Variants in TWIST2 observed in about 807,000 individuals in gnomAD.
The protein encoded by TWIST2 is twist family bHLH transcription factor 2, also known as twist-related protein 2.
TWIST2 carries 1 observed loss-of-function variant against 11.6 expected under a neutral mutation model. The observed-to-expected ratio is 0.09, with a 90% CI of 0.03 to 0.41. The LOEUF (loss-of-function observed/expected upper bound fraction) is 0.41, where lower values mean the gene tolerates loss of function less well. Among genes scored for constraint, TWIST2 ranks in the 10% least tolerant of loss-of-function variants. The pLI is 0.98. For missense variants in TWIST2, 168 were observed against 226.4 expected, an observed-to-expected ratio of 0.74 and a Z score of 1.66; for synonymous variants, 87 against 96.6, an observed-to-expected ratio of 0.90 and a Z score of 0.58.
intron 1 of TWIST2, among the ~76,000 whole-genome samples, chr2:238,899,752 CTAA>C (rs1693247887): frequency 6.6e-6 from 1 of 152,196 alleles, no homozygotes. Context: ...ACTTGATTTG[CTAA>C]TGTCTTAGGA....
At chr2:238,881,386 A>AGT (rs369393593) in intron 1 of TWIST2, among the ~76,000 whole-genome samples, 1 of 151,156 alleles carries the variant, frequency 6.6e-6, no homozygotes, top group East Asian at 2.0e-4. Flanking sequence ...TATTAGTATT[A>AGT]GTTACTATTT....
intron 1 of TWIST2, among the ~76,000 whole-genome samples, chr2:238,876,245 G>C (rs369664751): frequency 2.0e-5 from 3 of 152,200 alleles, no homozygotes; most frequent in African/African-American, 7.2e-5. Flanking sequence ...GAGGGCACTA[G>C]GGGACTCTCA....
At chr2:238,857,821 C>T (rs556337778) in intron 1 of TWIST2, among the ~76,000 whole-genome samples, 1 of 152,160 alleles carries the variant, frequency 6.6e-6, no homozygotes, top group South Asian at 2.1e-4. Context: ...GCTGTAATCC[C>T]AGCTACTCAA....
At chr2:238,905,660 A>G (rs1477461002) in intron 1 of TWIST2, among the ~76,000 whole-genome samples, 2 of 152,152 alleles carry the variant, frequency 1.3e-5, no homozygotes, top group Non-Finnish European at 2.9e-5. Flanking sequence ...TCATATATCA[A>G]AAGCTGTGGT....
chr2:238,905,910 TGTGCGTGCAG>T (rs1383794759), intron 1 of TWIST2, among the ~76,000 whole-genome samples: 1 of 51,774 alleles, frequency 1.9e-5, no homozygotes, highest in African/African-American at 9.8e-5. Context: ...TGTGCGTGTG[TGTGCGTGCAG>T]GTGTGCGTGT....
At position 238,874,414 on chromosome 2, in the gene TWIST2, C is replaced by T. The variant is rs1018990887; in HGVS notation, c.*35+25681C>T. Among the ~76,000 whole-genome samples, 3 of 152,124 alleles carry T rather than the reference C, an allele frequency of 2.0e-5. No individual in the cohort carries two copies. In the South Asian group the frequency reaches 6.2e-4, roughly 32 times the overall value. ...AAATGTCCAATTTAGTTACTTAAGG[C>T]TCTTCTTTTGCAAAAGAATAGAAAG... On this transcript the variant is annotated intron_variant, in intron 1 of 1. Transcript: ENST00000612363.
chr2:238,898,657 G>A (rs1434364154), intron 1 of TWIST2, among the ~76,000 whole-genome samples: 1 of 152,244 alleles, frequency 6.6e-6, no homozygotes, highest in African/African-American at 2.4e-5. Context: ...TCTCCCCTGA[G>A]GTGGGGGTGA....
At chr2:238,900,344 C>T (rs925201166) in intron 1 of TWIST2, among the ~76,000 whole-genome samples, 21 of 152,292 alleles carry the variant, frequency 1.4e-4, no homozygotes, top group African/African-American at 4.1e-4. Context: ...CAGATGTGCC[C>T]GGTGTGGCCA....
chr2:238,897,907 G>A (rs1212420533), intron 1 of TWIST2, among the ~76,000 whole-genome samples: 1 of 152,234 alleles, frequency 6.6e-6, no homozygotes, highest in African/African-American at 2.4e-5. Flanking sequence ...GGACTCTCCC[G>A]AGAGTCTCCA....
rs1240193035 is a variant in TWIST2 at position 238,907,879 on chromosome 2, C to T, written c.*36-1963C>T. 2.9e-5 allele frequency among the ~76,000 whole-genome samples: 3 copies of T among 103,998 alleles called. No homozygotes were observed. In the East Asian group the frequency reaches 9.3e-4, roughly 32 times the overall value. The allele number at this position is 103,998 out of a possible 152,430, so 68.2% of individuals were successfully genotyped here. On this transcript the variant is annotated intron_variant, in intron 1 of 1. Transcript: ENST00000612363. Reference sequence around the variant, plus strand: ...TACATACACACCACATACACACACACCACACAAACACACTACACCCCCACT... The same window carrying T: ...TACATACACACCACATACACACACATCACACAAACACACTACACCCCCACT...
At chr2:238,880,775 G>C (rs1174053848) in intron 1 of TWIST2, among the ~76,000 whole-genome samples, 1 of 118,918 alleles carries the variant, frequency 8.4e-6, no homozygotes, top group African/African-American at 3.4e-5. Flanking sequence ...ATTAGTGTCA[G>C]TGTTAGTATT....
chr2:238,889,457 T>C (rs544919226), intron 1 of TWIST2, among the ~76,000 whole-genome samples: 1 of 152,302 alleles, frequency 6.6e-6, no homozygotes, highest in South Asian at 2.1e-4. Flanking sequence ...ATACCAGATA[T>C]ATAAATATCA....
At chr2:238,857,270 G>C (rs935410961) in intron 1 of TWIST2, among the ~76,000 whole-genome samples, 1 of 152,182 alleles carries the variant, frequency 6.6e-6, no homozygotes, top group Non-Finnish European at 1.5e-5. Context: ...TGGTCCCTGA[G>C]GCTGGACGGG....
chr2:238,881,542 TATTTATTAGTATTAGCGTTAGA>T (rs1473750430), intron 1 of TWIST2, among the ~76,000 whole-genome samples: 1 of 152,076 alleles, frequency 6.6e-6, no homozygotes, highest in Non-Finnish European at 1.5e-5. Flanking sequence ...TTGGTGTTAG[TATTTATTAGTATTAGCGTTAGA>T]ATTTATTAGT....
At position 238,848,304 on chromosome 2, in the gene TWIST2, G is replaced by A; in HGVS notation, c.89G>A (p.Gly30Asp). The A allele has an allele frequency of 1.3e-6, 2 of 1,533,706 alleles. No homozygotes were observed. Among genetic ancestry groups the A allele is most frequent in the Non-Finnish European group, 1.7e-6 (2 of 1,145,514 alleles). The change falls in exon 1 of 2, where the codon GGC (glycine) becomes GAC (aspartate). Residue 30 changes from glycine to aspartate, a missense_variant. Around this residue, in one of 3 missense-constraint regions of TWIST2, gnomAD observed 83 missense variants for 92.7 expected, o/e 0.90. Coordinates refer to ENST00000612363, the MANE Select transcript of TWIST2 (RefSeq NM_001271893.4). The stretch of plus-strand genomic sequence containing the variant: ...CTCGAGAGGCAGCCCAAGCGCTTCG[G>A]CCGGAAGCGGCGCTACAGCAAGAAG... ...EELERQPKRF[G>D]RKRRYSKKSS... is the part of the protein sequence containing the mutation.
chr2:238,900,008 G>T (rs1427230924), intron 1 of TWIST2, among the ~76,000 whole-genome samples: 1 of 152,064 alleles, frequency 6.6e-6, no homozygotes, highest in African/African-American at 2.4e-5. Flanking sequence ...AATGGGAAGT[G>T]GTCCTTCATC....
At chr2:238,880,570 C>A (rs1202476352) in intron 1 of TWIST2, among the ~76,000 whole-genome samples, 1 of 82,720 alleles carries the variant, frequency 1.2e-5, no homozygotes, top group Non-Finnish European at 2.3e-5. Flanking sequence ...ATTAGTATTA[C>A]TGTTAGTATT....
At chr2:238,865,888 C>A (rs901414838) in intron 1 of TWIST2, among the ~76,000 whole-genome samples, 12 of 152,108 alleles carry the variant, frequency 7.9e-5, no homozygotes, top group Non-Finnish European at 1.6e-4. Context: ...TGTGATGAAC[C>A]CTTTCCAGTC....
chr2:238,908,800 C>T (rs1158570138), intron 1 of TWIST2, among the ~76,000 whole-genome samples: 7 of 142,828 alleles, frequency 4.9e-5, no homozygotes, highest in Non-Finnish European at 1.5e-5. Flanking sequence ...CAGTGGGATG[C>T]GTGTGTAGTG....
Sources: gnomAD v4.1 joint callset for allele counts (sites outside exome capture counted in the v4.1 genomes callset) on GRCh38, gnomAD v4.1.1 for gene constraint, gnomAD v4.1.1 regional missense constraint, MANE v1.5 for transcripts, NCBI Gene and HGNC (gene_info 2026-07-23, HGNC 2026-07-21) for gene names.